EML5: variants seen among roughly 807,000 people sequenced by gnomAD.
EML5 encodes echinoderm microtubule-associated protein-like 5.
Under a neutral mutation model 250.0 loss-of-function variants are expected in EML5, and 120 were observed. The ratio of observed to expected loss-of-function variants is 0.48; its 90% CI spans 0.41 to 0.56. EML5 has a LOEUF of 0.56. Among genes scored for constraint, EML5 ranks in the 20% least tolerant of loss-of-function variants. EML5 has a pLI of 0.00. For synonymous variants in EML5, 771 were observed against 806.5 expected, an observed-to-expected ratio of 0.96 and a Z score of 0.75; for missense variants, 2,006 against 2,437.6, an observed-to-expected ratio of 0.82 and a Z score of 3.73.
chr14:88,732,296 T>C (rs1378488886), intron 7 of EML5, among the ~76,000 whole-genome samples: 3 of 152,216 alleles, frequency 2.0e-5, no homozygotes, highest in African/African-American at 7.2e-5. Context: ...CTAGCCAGTT[T>C]TCCCAGCACC....
rs1204602454 is a variant in EML5 at position 88,695,356 on chromosome 14, C to G, written c.2438+5G>C. 1 of 1,602,412 alleles carries G rather than the reference C, an allele frequency of 6.2e-7. No homozygotes were observed. ...TGCAAATGTGATATCAAGTTTTTTTCCTACCTTGCTATTGAAAGTTTCTCT... is the reference window on the plus strand; with the variant it reads ...TGCAAATGTGATATCAAGTTTTTTTGCTACCTTGCTATTGAAAGTTTCTCT... On this transcript the variant is annotated splice_donor_5th_base_variant and intron_variant, in intron 16 of 43. Transcript: ENST00000554922.
At chr14:88,763,895 G>C (rs115785984) in intron 1 of EML5, among the ~76,000 whole-genome samples, 1 of 152,124 alleles carries the variant, frequency 6.6e-6, no homozygotes, top group African/African-American at 2.4e-5. Context: ...TTTTATAGCC[G>C]GGTTAAAGAA....
chr14:88,703,074 C>G (rs1470408110), intron 13 of EML5, among the ~76,000 whole-genome samples: 1 of 152,006 alleles, frequency 6.6e-6, no homozygotes, highest in African/African-American at 2.4e-5. Context: ...ACCACCATCT[C>G]AGATCCAATA....
intron 2 of EML5, among the ~76,000 whole-genome samples, chr14:88,746,698 T>C (rs1433518371): frequency 6.6e-6 from 1 of 152,164 alleles, no homozygotes; most frequent in Non-Finnish European, 1.5e-5. Flanking sequence ...GGGTGAATAC[T>C]TGTACCCCTG....
intron 37 of EML5, 70 bp downstream of exon 37, chr14:88,622,534 G>A (rs1254603934): frequency 1.5e-5 from 18 of 1,226,362 alleles, no homozygotes; most frequent in East Asian, 1.0e-4. Context: ...GGCTGCAAAG[G>A]GTGAGGGAAT....
chr14:88,656,651 T>G (rs924415046), intron 27 of EML5, among the ~76,000 whole-genome samples: 1 of 152,166 alleles, frequency 6.6e-6, no homozygotes, highest in South Asian at 2.1e-4. Flanking sequence ...AAAATGGCCT[T>G]GCATATGTCC....
chr14:88,777,252 G>A (rs1401726523), intron 1 of EML5, among the ~76,000 whole-genome samples: 1 of 152,100 alleles, frequency 6.6e-6, no homozygotes, highest in Non-Finnish European at 1.5e-5. Context: ...CTTTACAGTG[G>A]AAACCTTACA....
intron 3 of EML5, among the ~76,000 whole-genome samples, chr14:88,744,591 G>A (rs896859548): frequency 6.6e-6 from 1 of 151,868 alleles, no homozygotes; most frequent in South Asian, 2.1e-4. Context: ...TCAAATTTTG[G>A]GGAGTCTCCA....
chr14:88,635,165 A>T (rs1243507309), intron 32 of EML5, among the ~76,000 whole-genome samples: 1 of 152,230 alleles, frequency 6.6e-6, no homozygotes, highest in Non-Finnish European at 1.5e-5. Flanking sequence ...GAAAGAAAAT[A>T]AAAATATAGG....
intron 20 of EML5, 147 bp downstream of exon 20, chr14:88,684,868 G>A (rs2092796457): frequency 2.9e-6 from 2 of 684,918 alleles, no homozygotes; most frequent in Non-Finnish European, 4.2e-6. Flanking sequence ...ATTTTTTTCT[G>A]TATACATTAA....
intron 1 of EML5, among the ~76,000 whole-genome samples, chr14:88,780,794 C>T (rs754115992): frequency 1.3e-5 from 2 of 152,114 alleles, no homozygotes; most frequent in Non-Finnish European, 2.9e-5. Context: ...AGAATGGTCT[C>T]GATCTCTTGA....
At chr14:88,669,107 G>A (rs2092388276) in intron 21 of EML5, among the ~76,000 whole-genome samples, 2 of 152,196 alleles carry the variant, frequency 1.3e-5, no homozygotes, top group Non-Finnish European at 2.9e-5. Context: ...GCCAAGAGAG[G>A]CAGTGAGTGA....
intron 1 of EML5, among the ~76,000 whole-genome samples, chr14:88,791,079 A>G (rs1018750508): frequency 6.6e-6 from 1 of 150,754 alleles, no homozygotes; most frequent in Admixed American, 6.6e-5. Context: ...TGCAATCTCA[A>G]TTTTGTCTTT....
At chr14:88,645,485 A>G (rs566845803) in intron 29 of EML5, among the ~76,000 whole-genome samples, 1 of 152,364 alleles carries the variant, frequency 6.6e-6, no homozygotes, top group South Asian at 2.1e-4. Flanking sequence ...AGTATCTAAC[A>G]GAGTATCTTC....
intron 1 of EML5, among the ~76,000 whole-genome samples, chr14:88,758,019 A>ATTTT (rs59074536): frequency 3.1e-5 from 4 of 129,232 alleles, no homozygotes; most frequent in Non-Finnish European, 6.5e-5. Flanking sequence ...CACCTGTCTA[A>ATTTT]TTTTTTTTTT....
chr14:88,776,223 C>A (rs1164095449), intron 1 of EML5, among the ~76,000 whole-genome samples: 1 of 152,158 alleles, frequency 6.6e-6, no homozygotes, highest in Non-Finnish European at 1.5e-5. Context: ...TATCTACTAG[C>A]ATCAACACCA....
At chr14:88,791,963 T>C (rs2094613336) in intron 1 of EML5, among the ~76,000 whole-genome samples, 1 of 152,194 alleles carries the variant, frequency 6.6e-6, no homozygotes, top group African/African-American at 2.4e-5. Flanking sequence ...TAATAAGAAA[T>C]TTCTCACAGG....
intron 39 of EML5, chr14:88,619,599 CTTAATA>C (rs1221697206): frequency 2.6e-5 from 4 of 152,330 alleles, no homozygotes; most frequent in South Asian, 2.1e-4. Flanking sequence ...AAAACGTTGT[CTTAATA>C]TTAAGCAAAG....
At chr14:88,770,047 C>T (rs1057469452) in intron 1 of EML5, among the ~76,000 whole-genome samples, 1 of 147,670 alleles carries the variant, frequency 6.8e-6, no homozygotes, top group Admixed American at 6.8e-5. Flanking sequence ...GTTCATTGTT[C>T]GCAACAAAGC....
Sources: allele counts gnomAD v4.1 joint callset (sites outside exome capture counted in the v4.1 genomes callset), GRCh38; gene constraint gnomAD v4.1.1; transcripts MANE v1.5; gene names NCBI Gene and HGNC (gene_info 2026-07-23, HGNC 2026-07-21).